Variants in PRDM5 observed in about 807,000 individuals in gnomAD.
The protein encoded by PRDM5 is PR/SET domain 5, also known as PR domain zinc finger protein 5.
PRDM5 carries 56 observed loss-of-function variants against 81.2 expected under a neutral mutation model. The observed-to-expected ratio is 0.69, with a 90% CI of 0.56 to 0.86. The LOEUF (loss-of-function observed/expected upper bound fraction) is 0.86. Ranked by LOEUF, PRDM5 falls within the 40% of genes least tolerant of loss-of-function variation. The pLI is 0.00. For synonymous variants in PRDM5, 267 were observed against 256.4 expected (o/e 1.04, Z -0.39); for missense variants, 697 against 770.1 (o/e 0.91, Z 1.12).
intron 14 of PRDM5, among the ~76,000 whole-genome samples, chr4:120,723,923 A>ATTTTTTTTTTTTT (rs70948360): frequency 1.8e-4 from 15 of 81,258 alleles, no homozygotes; most frequent in African/African-American, 4.7e-4. Flanking sequence ...GATAGCTTGA[A>ATTTTTTTTTTTTT]TTTTTTTTTT....
At chr4:120,685,117 T>C (rs1733784575) in intron 1 of PRDM5, 1 of 152,064 alleles carries the variant, frequency 6.6e-6, no homozygotes, top group African/African-American at 2.4e-5. Context: ...ATAGCCAGTT[T>C]TTATTACTTA....
chr4:120,705,895 G>T (rs1736035022), intron 15 of PRDM5, among the ~76,000 whole-genome samples: 1 of 152,096 alleles, frequency 6.6e-6, no homozygotes, highest in South Asian at 2.1e-4. Flanking sequence ...TTATTTTAAC[G>T]TAGAACCAAT....
intron 13 of PRDM5, among the ~76,000 whole-genome samples, chr4:120,760,595 A>G (rs2149175334): frequency 6.6e-6 from 1 of 152,358 alleles, no homozygotes; most frequent in South Asian, 2.1e-4. Context: ...TTGACACTGA[A>G]TAACACTGAA....
At chr4:120,729,499 G>T (rs115246528) in intron 14 of PRDM5, among the ~76,000 whole-genome samples, 10,640 of 152,126 alleles carry the variant, frequency 0.07, 469 homozygotes, top group South Asian at 0.16. Flanking sequence ...ATATAAACTT[G>T]CCATGTGACC....
At chr4:120,771,857 C>G (rs576964183) in intron 13 of PRDM5, among the ~76,000 whole-genome samples, 1 of 152,266 alleles carries the variant, frequency 6.6e-6, no homozygotes, top group East Asian at 1.9e-4. Flanking sequence ...GTACTCTTAA[C>G]AAGGAGTGAT....
chr4:120,694,159 G>T lies in PRDM5; in HGVS notation c.*952C>A, dbSNP rs1347688873. On this transcript the variant is annotated 3_prime_UTR_variant, in exon 16 of 16. Transcript: ENST00000264808. ...CTGAGGACTGTATCTGCACTAACAT[G>T]TTCTGTGCACTTTTATGGAAGGAGA... 1.3e-5 allele frequency: 2 copies of T among 152,074 alleles called. No homozygotes were observed. Among genetic ancestry groups the T allele is most frequent in the Non-Finnish European group, 2.9e-5 (2 of 68,008 alleles). 9.4% of individuals were successfully genotyped at this position (152,074 alleles called of 1,614,324 possible). A position where few individuals can be genotyped will look rare whatever the true frequency, so the allele number is the denominator to read the frequency against.
At chr4:120,905,046 A>G (rs958503349) in intron 2 of PRDM5, among the ~76,000 whole-genome samples, 9 of 152,238 alleles carry the variant, frequency 5.9e-5, no homozygotes, top group Non-Finnish European at 8.8e-5. Context: ...TTAACTGCTG[A>G]GGAAATTAAG....
chr4:120,729,852 T>C (rs1382759790), intron 14 of PRDM5, among the ~76,000 whole-genome samples: 1 of 152,140 alleles, frequency 6.6e-6, no homozygotes. Flanking sequence ...CTGCGTGGGG[T>C]GTCCCCATGC....
downstream of PRDM5, among the ~76,000 whole-genome samples, chr4:120,690,552 GA>G (rs1560860675): frequency 6.6e-6 from 1 of 151,692 alleles, no homozygotes; most frequent in African/African-American, 2.4e-5. Context: ...GTAGAAAAAT[GA>G]AAAAAGATAT....
At position 120,853,511 on chromosome 4, in the gene PRDM5, G is replaced by T; in HGVS notation, c.207C>A (p.Tyr69Ter). Reference sequence around the variant, plus strand: ...GCCGTGGGTTGGTAGCATCCAAAATGTACAAAACTTCTCCCTTACTCCCAC... The same window carrying T: ...GCCGTGGGTTGGTAGCATCCAAAATTTACAAAACTTCTCCCTTACTCCCAC... ...EVRGSKGEVL[Y>*]ILDATNPRHS... The change falls in exon 3 of 16, where the codon TAC (tyrosine) becomes TAA (stop). Residue 69 changes from tyrosine to a stop codon, truncating the protein, a stop_gained. Coordinates refer to ENST00000264808, the MANE Select transcript of PRDM5 (RefSeq NM_018699.4). LOFTEE classifies it high-confidence loss of function. 1 of 1,613,738 alleles carries T rather than the reference G, an allele frequency of 6.2e-7. No individual in the cohort carries two copies. Among genetic ancestry groups the T allele is most frequent in the Non-Finnish European group, 8.5e-7 (1 of 1,179,716 alleles).
chr4:120,921,398 T>A (rs1345805199), intron 1 of PRDM5, among the ~76,000 whole-genome samples: 2 of 152,248 alleles, frequency 1.3e-5, no homozygotes, highest in African/African-American at 2.4e-5. Context: ...ATAAGTGGTT[T>A]ATTTTCTCCA....
chr4:120,886,881 T>C (rs1401043735), intron 2 of PRDM5, among the ~76,000 whole-genome samples: 1 of 152,048 alleles, frequency 6.6e-6, no homozygotes, highest in Non-Finnish European at 1.5e-5. Context: ...ATCTCAGACA[T>C]GTCATCACCT....
intron 14 of PRDM5, among the ~76,000 whole-genome samples, chr4:120,725,527 G>A (rs1377156139): frequency 6.6e-6 from 1 of 152,034 alleles, no homozygotes; most frequent in African/African-American, 2.4e-5. Flanking sequence ...GCTTTTGGCT[G>A]TTTTCAGTTC....
chr4:120,919,673 A>G (rs1465465827), intron 1 of PRDM5, among the ~76,000 whole-genome samples: 2 of 152,172 alleles, frequency 1.3e-5, no homozygotes. Context: ...AGTTTTGAGT[A>G]ACTAATATTA....
At chr4:120,819,104 C>T (rs1754929722) in intron 4 of PRDM5, among the ~76,000 whole-genome samples, 1 of 152,160 alleles carries the variant, frequency 6.6e-6, no homozygotes. Flanking sequence ...TTAGAAAATG[C>T]AGAAAATAAA....
chr4:120,685,222 A>T (rs1486075570), intron 1 of PRDM5, among the ~76,000 whole-genome samples: 1 of 152,090 alleles, frequency 6.6e-6, no homozygotes, highest in Non-Finnish European at 1.5e-5. Flanking sequence ...ACTATTATTT[A>T]ATTTTGTTAA....
chr4:120,882,794 T>C (rs1437693618), intron 2 of PRDM5, among the ~76,000 whole-genome samples: 1 of 152,228 alleles, frequency 6.6e-6, no homozygotes, highest in Admixed American at 6.5e-5. Flanking sequence ...AATTATTCCA[T>C]TGACAATTAA....
At chr4:120,808,840 G>A (rs914714885) in intron 8 of PRDM5, among the ~76,000 whole-genome samples, 3 of 152,188 alleles carry the variant, frequency 2.0e-5, no homozygotes, top group Admixed American at 6.5e-5. Flanking sequence ...CAGGGTTTGC[G>A]GGCTGGCCGG....
rs934523852 is a variant in PRDM5, at chr4:120,693,412, A to G, written c.*1699T>C. On this transcript the variant is annotated 3_prime_UTR_variant, in exon 16 of 16. Transcript: ENST00000264808. The stretch of plus-strand genomic sequence containing the variant: ...ATGAAAACACTTTAGATCTAAAAAT[A>G]TATTGTTGAAACAAATGATATAGTG... 8 of 152,270 alleles carry G rather than the reference A, an allele frequency of 5.3e-5. No homozygotes were observed. The highest frequency in any genetic ancestry group is 1.4e-4 in the African/African-American group (6 of 41,572). The allele number at this position is 152,270 out of a possible 1,614,324, so 9.4% of individuals were successfully genotyped here. A position where few individuals can be genotyped will look rare whatever the true frequency, so the allele number is the denominator to read the frequency against.
Sources: gnomAD v4.1 joint callset for allele counts (sites outside exome capture counted in the v4.1 genomes callset) on GRCh38, gnomAD v4.1.1 for gene constraint, MANE v1.5 for transcripts, NCBI Gene and HGNC (gene_info 2026-07-23, HGNC 2026-07-21) for gene names.